The following ADGRB1 variants were observed in gnomAD, a reference collection of about 807,000 sequenced individuals.
The protein encoded by ADGRB1 is adhesion G protein-coupled receptor B1, also known as brain-specific angiogenesis inhibitor 1.
Under a neutral mutation model 175.7 loss-of-function variants are expected in ADGRB1, and 36 were observed. The ratio of observed to expected loss-of-function variants is 0.20; its 90% confidence interval spans 0.16 to 0.27. The LOEUF is 0.27. ADGRB1 is among the 10% of genes least tolerant of loss of function. The pLI, the probability that ADGRB1 is intolerant of heterozygous loss-of-function variation, is 1.00. For synonymous variants in ADGRB1, 1,054 were observed against 979.4 expected, an observed-to-expected ratio of 1.08 and a Z score of -1.42; for missense variants, 1,731 against 2,255.3, an observed-to-expected ratio of 0.77 and a Z score of 4.71.
chr8:142,467,098 T>C (rs1840321280), intron 2 of ADGRB1, among the ~76,000 whole-genome samples: 1 of 152,208 alleles, frequency 6.6e-6, no homozygotes, highest in African/African-American at 2.4e-5. Context: ...GCTGGGGCAC[T>C]GTGTGACGTG....
At chr8:142,539,093 C>T (rs1423862961) in intron 26 of ADGRB1, among the ~76,000 whole-genome samples, 3 of 152,212 alleles carry the variant, frequency 2.0e-5, no homozygotes, top group African/African-American at 4.8e-5. Context: ...TGAATCCACA[C>T]GCAAACACAG....
chr8:142,542,406 G>T lies in ADGRB1; in HGVS notation c.4172G>T (p.Arg1391Leu), dbSNP rs765352565. The change falls in exon 28 of 31, where the codon CGC (arginine) becomes CTC (leucine). Residue 1391 changes from arginine (R) to leucine (L), a missense_variant. Transcript: ENST00000517894. The surrounding 1 kb of genome is among the most constrained non-coding windows in gnomAD (Gnocchi z 6.3). ...GCCCCCGAGGCCAGCCTCCCCGCCCGCAGCCCGCCCTCCCGCCAGCCCCCC... is the reference window on the plus strand; with the variant it reads ...GCCCCCGAGGCCAGCCTCCCCGCCCTCAGCCCGCCCTCCCGCCAGCCCCCC... The part of the protein sequence containing the change: ...STAPEASLPA[R>L]SPPSRQPPSG... The T allele has an allele frequency of 8.3e-7, 1 of 1,202,686 alleles. No homozygotes were observed. The highest frequency in any genetic ancestry group is 1.1e-6 in the Non-Finnish European group (1 of 917,190). 74.5% of individuals were successfully genotyped at this position (1,202,686 alleles called of 1,614,324 possible).
At chr8:142,453,831 C>T (rs1347404750) in intron 1 of ADGRB1, among the ~76,000 whole-genome samples, 18 of 152,202 alleles carry the variant, frequency 1.2e-4, no homozygotes, top group Admixed American at 1.1e-3. Flanking sequence ...TGGGGCTTAC[C>T]CAGGAGGTGT....
intron 26 of ADGRB1, 52 bp from the exon 27 acceptor site, chr8:142,539,322 A>ACACCCCCGCTCCCAGAGGCGCT: frequency 6.5e-7 from 1 of 1,547,304 alleles, no homozygotes; most frequent in Non-Finnish European, 8.7e-7. Flanking sequence ...ACGCGTGCAC[A>ACACCCCCGCTCCCAGAGGCGCT]CACCCCCGCT....
At chr8:142,496,501 A>G (rs1842223115) in intron 17 of ADGRB1, among the ~76,000 whole-genome samples, 1 of 152,172 alleles carries the variant, frequency 6.6e-6, no homozygotes, top group Admixed American at 6.5e-5. Context: ...AAGTTGATGG[A>G]GGCCAGTAGC....
At position 142,529,349 on chromosome 8, in the gene ADGRB1, T is replaced by C. The variant is rs536674718; in HGVS notation, c.3398+2722T>C. ...GTGTGTGCAGATGTGTTTGTGTGTG[T>C]GTGTGTGCCCATGTGAGAGTACTTG... is the stretch of plus-strand genomic sequence containing the variant. On this transcript the variant is annotated intron_variant, in intron 24 of 30. Coordinates refer to ENST00000517894, the MANE Select transcript of ADGRB1 (RefSeq NM_001702.3). Among the ~76,000 whole-genome samples, 503 of 152,246 alleles carry C rather than the reference T, an allele frequency of 3.3e-3. 4 individuals carry two copies. The highest frequency in any genetic ancestry group is 0.012 in the African/African-American group (489 of 41,536).
intron 24 of ADGRB1, among the ~76,000 whole-genome samples, chr8:142,529,659 AGT>A (rs1263696435): frequency 4.2e-5 from 6 of 144,204 alleles, no homozygotes; most frequent in African/African-American, 1.6e-4. Context: ...TGCGTGTGTG[AGT>A]GTGCATCTGT....
intron 18 of ADGRB1, among the ~76,000 whole-genome samples, chr8:142,517,727 C>G (rs1455468056): frequency 6.6e-6 from 1 of 152,108 alleles, no homozygotes; most frequent in African/African-American, 2.4e-5. Context: ...GCTGCTGCCC[C>G]CGGATTTCTC....
intron 17 of ADGRB1, among the ~76,000 whole-genome samples, chr8:142,494,763 G>A (rs113272826): frequency 0.036 from 5,423 of 151,538 alleles, 247 homozygotes; most frequent in African/African-American, 0.11. Context: ...AGTCCTGAAC[G>A]CTGGCCTGGC....
chr8:142,520,446 A>T (rs1160899456), intron 19 of ADGRB1, among the ~76,000 whole-genome samples: 316 of 6,102 alleles, frequency 0.052, no homozygotes, highest in South Asian at 0.11. Context: ...GATGGTGGTG[A>T]TGGTGATGGT....
At chr8:142,540,541 G>A (rs1845207668) in intron 27 of ADGRB1, among the ~76,000 whole-genome samples, 1 of 142,156 alleles carries the variant, frequency 7.0e-6, no homozygotes, top group Non-Finnish European at 1.6e-5. Flanking sequence ...GGGAGGGTGG[G>A]CGGGGTGCCA....
At position 142,500,220 on chromosome 8, in the gene ADGRB1, C is replaced by A. The variant is rs1311815266; in HGVS notation, c.2675+9405C>A. On this transcript the variant is annotated intron_variant, in intron 17 of 30. Coordinates refer to ENST00000517894, the MANE Select transcript of ADGRB1 (RefSeq NM_001702.3). ...CCCCACACCGCTCCTCCACTTCCCC[C>A]CGCGCCGCTCCTCCACCTCCCCACG... is the stretch of plus-strand genomic sequence containing the variant. Among the ~76,000 whole-genome samples, 85 of 135,428 alleles carry A rather than the reference C, an allele frequency of 6.3e-4. 2 individuals carry two copies. The highest frequency in any genetic ancestry group is 1.5e-3 in the African/African-American group (52 of 35,172). The allele number at this position is 135,428 out of a possible 152,430, so 88.8% of individuals were successfully genotyped here.
chr8:142,450,925 C>T (rs898397272), intron 1 of ADGRB1, among the ~76,000 whole-genome samples: 2 of 152,102 alleles, frequency 1.3e-5, no homozygotes, highest in Non-Finnish European at 2.9e-5. Flanking sequence ...CTCCAAGCGC[C>T]GAGCACTCCC....
At chr8:142,483,049 T>G (rs1305977470) in intron 11 of ADGRB1, among the ~76,000 whole-genome samples, 1 of 146,610 alleles carries the variant, frequency 6.8e-6, no homozygotes, top group African/African-American at 2.5e-5. Context: ...CACTGAGCCC[T>G]GATCCTGGTT....
At position 142,520,710 on chromosome 8, in the gene ADGRB1, A is replaced by G. The variant is rs925831237; in HGVS notation, c.2922-113A>G. ...GGTCATGGTGGTGGTGCTGTTGGTG[A>G]CAATGCCTGCAGGAAGTGGGGTGGG... On this transcript the variant is annotated intron_variant, in intron 19 of 30. Coordinates refer to ENST00000517894, the MANE Select transcript of ADGRB1 (RefSeq NM_001702.3). 4 of 827,190 alleles carry G rather than the reference A, an allele frequency of 4.8e-6. No individual in the cohort carries two copies. In the African/African-American group the frequency reaches 5.0e-5, roughly 10 times the overall value. 51.2% of individuals were successfully genotyped at this position (827,190 alleles called of 1,614,324 possible).
At chr8:142,533,855 A>C (rs1844773411) in intron 25 of ADGRB1, among the ~76,000 whole-genome samples, 1 of 152,218 alleles carries the variant, frequency 6.6e-6, no homozygotes, top group African/African-American at 2.4e-5. Flanking sequence ...AGAAGGTGTC[A>C]CTAGAAGGTT....
At chr8:142,489,488 G>C (rs755995386) in intron 16 of ADGRB1, 50 bp downstream of exon 16, 1 of 1,573,776 alleles carries the variant, frequency 6.4e-7, no homozygotes, top group Non-Finnish European at 8.7e-7. Flanking sequence ...ACGCGTGTGC[G>C]CGAATTCTGT....
At chr8:142,509,426 G>A (rs928952475) in intron 17 of ADGRB1, among the ~76,000 whole-genome samples, 5 of 152,228 alleles carry the variant, frequency 3.3e-5, no homozygotes, top group Non-Finnish European at 5.9e-5. Context: ...GCGGCTTTTC[G>A]TGTGGGGTCA....
intron 27 of ADGRB1, among the ~76,000 whole-genome samples, chr8:142,540,718 G>T (rs1161947124): frequency 6.6e-6 from 1 of 152,124 alleles, no homozygotes; most frequent in African/African-American, 2.4e-5. Context: ...GTGCGGGGTG[G>T]GGCGGCCTTG....
Sources: allele counts gnomAD v4.1 joint callset (sites outside exome capture counted in the v4.1 genomes callset), GRCh38; gene constraint gnomAD v4.1.1; non-coding constraint Gnocchi (gnomAD v3.1); transcripts MANE v1.5; gene names NCBI Gene and HGNC (gene_info 2026-07-23, HGNC 2026-07-21).